The following ANK1 variants were observed in gnomAD, a reference collection of about 807,000 sequenced individuals.
ANK1 encodes the protein ankyrin-1.
Under a neutral mutation model 210.4 loss-of-function variants are expected in ANK1, and 51 were observed. The ratio of observed to expected loss-of-function variants is 0.24; its 90% CI spans 0.19 to 0.31. The LOEUF (loss-of-function observed/expected upper bound fraction) is 0.31, where lower values mean the gene tolerates loss of function less well. ANK1 is among the 10% of genes least tolerant of loss of function. The pLI is 1.00. For missense variants in ANK1, 2,051 were observed against 2,504.4 expected (o/e 0.82, Z 3.86); for synonymous variants, 967 against 1,025.9 (o/e 0.94, Z 1.10).
intron 2 of ANK1, among the ~76,000 whole-genome samples, chr8:41,738,026 AAAAT>A: frequency 1.3e-5 from 2 of 152,328 alleles, no homozygotes; most frequent in African/African-American, 4.8e-5. Context: ...AAATAAATGC[AAAAT>A]CATGTGAAAA....
chr8:41,664,280 T>TAG (rs1809595414), intron 39 of ANK1: 1 of 409,020 alleles, frequency 2.4e-6, no homozygotes, highest in Non-Finnish European at 4.8e-6. Context: ...AAGACCAATT[T>TAG]GGGCAACATA....
At chr8:41,737,069 C>A (rs1833619683) in intron 2 of ANK1, among the ~76,000 whole-genome samples, 2 of 152,204 alleles carry the variant, frequency 1.3e-5, no homozygotes, top group African/African-American at 4.8e-5. Context: ...GGAACTGAAG[C>A]AGCCGGATCA....
At chr8:41,835,462 T>G (rs1301016358) in intron 1 of ANK1, among the ~76,000 whole-genome samples, 3 of 150,488 alleles carry the variant, frequency 2.0e-5, no homozygotes, top group Admixed American at 1.3e-4. Flanking sequence ...AAAAATAAAA[T>G]AAAATAAAAA....
At position 41,686,287 on chromosome 8, in the gene ANK1, C is replaced by T. The variant is rs1303023328; in HGVS notation, c.4259-4G>A. 4 of 1,613,320 alleles carry T rather than the reference C, an allele frequency of 2.5e-6. No individual in the cohort carries two copies. Among genetic ancestry groups the T allele is most frequent in the Non-Finnish European group, 3.4e-6 (4 of 1,180,006 alleles). ...AACTGCAGCTCCCGGGCCAACTCTG[C>T]AAGCAAAGAACCAACAGCAGATGTG... On this transcript the variant is annotated splice_polypyrimidine_tract_variant and splice_region_variant and intron_variant, in intron 35 of 42. Transcript: ENST00000289734.
rs527666863 is a variant in ANK1 at position 41,722,009 on chromosome 8, T to A, written c.909+1116A>T. On this transcript the variant is annotated intron_variant, in intron 9 of 42. Transcript: ENST00000289734. Reference sequence around the variant, plus strand: ...AAAAATGTTGGGAATTTTCTAATAATTTAACTGATAGTAGCAATTCTACTT... The same window carrying A: ...AAAAATGTTGGGAATTTTCTAATAAATTAACTGATAGTAGCAATTCTACTT... Among the ~76,000 whole-genome samples the A allele has an allele frequency of 3.9e-5, 6 of 152,362 alleles. No homozygotes were observed. In the East Asian group the frequency reaches 1.2e-3, roughly 29 times the overall value.
At chr8:41,768,509 C>G (rs942350769) in intron 1 of ANK1, among the ~76,000 whole-genome samples, 1 of 152,196 alleles carries the variant, frequency 6.6e-6, no homozygotes, top group Non-Finnish European at 1.5e-5. Context: ...AACACTACTA[C>G]AGTTGGATAA....
rs191638139 is a variant in ANK1 at position 41,665,762 on chromosome 8, C to G, written c.5395-2020G>C. On this transcript the variant is annotated intron_variant, in intron 39 of 42. Transcript: ENST00000289734. ...ACAGGTGGTGGGGCCACCTGGAAGCCGGTCTGTAATTCCTGTCAGCCCACA... is the reference window on the plus strand; with the variant it reads ...ACAGGTGGTGGGGCCACCTGGAAGCGGGTCTGTAATTCCTGTCAGCCCACA... 1.7e-3 allele frequency: 273 copies of G among 161,576 alleles called. 1 individual carries two copies. Among genetic ancestry groups the G allele is most frequent in the South Asian group, 0.011 (60 of 5,494 alleles). The allele number at this position is 161,576 out of a possible 1,614,324, so 10.0% of individuals were successfully genotyped here. A position where few individuals can be genotyped will look rare whatever the true frequency, so the allele number is the denominator to read the frequency against.
chr8:41,810,137 T>C (rs1802268422), intron 1 of ANK1, among the ~76,000 whole-genome samples: 1 of 152,222 alleles, frequency 6.6e-6, no homozygotes, highest in African/African-American at 2.4e-5. Context: ...AACATCCTGC[T>C]GAAGGGTCAT....
chr8:41,676,627 G>A lies in ANK1; in HGVS notation c.4538-3715C>T, dbSNP rs567582040. 2.5e-3 allele frequency among the ~76,000 whole-genome samples: 385 copies of A among 152,256 alleles called. 2 individuals are homozygous for A. The highest frequency in any genetic ancestry group is 9.0e-3 in the African/African-American group (372 of 41,562). ...TTCTTTTATGGATTGTGCTTTTGGT[G>A]TTGTATCTGAGAAATCTTTGCCTTA... On this transcript the variant is annotated intron_variant, in intron 37 of 42. Transcript: ENST00000289734.
intron 1 of ANK1, among the ~76,000 whole-genome samples, chr8:41,820,701 C>G (rs1804116668): frequency 6.6e-6 from 1 of 152,076 alleles, no homozygotes; most frequent in South Asian, 2.1e-4. Context: ...CCTTCTAGGT[C>G]CTTTGGCTGG....
intron 6 of ANK1, among the ~76,000 whole-genome samples, chr8:41,724,841 G>C (rs1393916816): frequency 6.6e-6 from 1 of 152,158 alleles, no homozygotes; most frequent in African/African-American, 2.4e-5. Context: ...ATGAATGAAA[G>C]TGTAATGGGG....
At chr8:41,877,720 G>A (rs907756494) in intron 1 of ANK1, among the ~76,000 whole-genome samples, 10 of 152,232 alleles carry the variant, frequency 6.6e-5, no homozygotes, top group East Asian at 3.8e-4. Flanking sequence ...GGAGCCAGGC[G>A]GGGGCGAAGT....
chr8:41,716,247 T>C (rs1827647399), intron 13 of ANK1, among the ~76,000 whole-genome samples: 1 of 152,116 alleles, frequency 6.6e-6, no homozygotes, highest in South Asian at 2.1e-4. Flanking sequence ...ACATCCTTTC[T>C]GAGTGGATGC....
chr8:41,669,753 G>A (rs370125162), intron 38 of ANK1, among the ~76,000 whole-genome samples: 19 of 152,218 alleles, frequency 1.2e-4, no homozygotes, highest in African/African-American at 2.6e-4. Flanking sequence ...CACCGCTGCC[G>A]TCCCAGCCCA....
chr8:41,674,851 G>A (rs1006164180), intron 37 of ANK1, among the ~76,000 whole-genome samples: 1 of 152,174 alleles, frequency 6.6e-6, no homozygotes, highest in African/African-American at 2.4e-5. Context: ...GGAAGAACAA[G>A]GAGGAAGGAG....
intron 30 of ANK1, 65 bp from the exon 31 acceptor site, chr8:41,692,941 G>A (rs952655766): frequency 2.8e-5 from 44 of 1,562,484 alleles, no homozygotes; most frequent in African/African-American, 7.0e-5. Flanking sequence ...CCATCCAGAC[G>A]GGAGCAGCCC....
intron 7 of ANK1, among the ~76,000 whole-genome samples, 160 bp downstream of exon 7, chr8:41,724,296 T>C (rs1157274579): frequency 6.6e-6 from 1 of 151,514 alleles, no homozygotes; most frequent in African/African-American, 2.4e-5. Context: ...AACTGGGGGG[T>C]AGATGATCAG....
chr8:41,670,698 G>A (rs913159849), intron 38 of ANK1, among the ~76,000 whole-genome samples: 1 of 152,234 alleles, frequency 6.6e-6, no homozygotes, highest in Non-Finnish European at 1.5e-5. Context: ...ACTAGCCTGG[G>A]CCTCAGGGTG....
chr8:41,849,406 C>T (rs534911410), intron 1 of ANK1, among the ~76,000 whole-genome samples: 91 of 152,150 alleles, frequency 6.0e-4, no homozygotes, highest in Non-Finnish European at 9.3e-4. Context: ...TGCCTATAAT[C>T]CCAGCTACCA....
Sources: allele counts gnomAD v4.1 joint callset (sites outside exome capture counted in the v4.1 genomes callset), GRCh38; gene constraint gnomAD v4.1.1; transcripts MANE v1.5; gene names NCBI Gene and HGNC (gene_info 2026-07-23, HGNC 2026-07-21).